The following DCDC2 variants were observed in gnomAD, a reference collection of about 807,000 sequenced individuals.
DCDC2 encodes the protein doublecortin domain containing 2.
Under a neutral mutation model 50.2 loss-of-function variants are expected in DCDC2, and 40 were observed. The observed-to-expected ratio is 0.80, with a 90% confidence interval of 0.62 to 1.04. The LOEUF is 1.04. Ranked by LOEUF, DCDC2 falls within the 50% of genes least tolerant of loss-of-function variation. DCDC2 has a pLI of 0.00. For missense variants in DCDC2, 570 were observed against 581.9 expected (o/e 0.98, Z 0.21); for synonymous variants, 234 against 210.6 (o/e 1.11, Z -0.96).
At chr6:24,270,704 A>G (rs1581622896) in intron 7 of DCDC2, among the ~76,000 whole-genome samples, 1 of 152,036 alleles carries the variant, frequency 6.6e-6, no homozygotes, top group South Asian at 2.1e-4. Context: ...TCCTCCCTCC[A>G]CCCTGTCACC....
intron 7 of DCDC2, among the ~76,000 whole-genome samples, chr6:24,273,252 G>A (rs939143949): frequency 1.3e-5 from 2 of 152,164 alleles, no homozygotes; most frequent in Admixed American, 6.5e-5. Context: ...AGAGAGGGTA[G>A]AATGACAGAC....
upstream of DCDC2, among the ~76,000 whole-genome samples, chr6:24,358,815 AAT>A (rs773876818): frequency 1.8e-3 from 90 of 51,016 alleles, 3 homozygotes; most frequent in African/African-American, 8.5e-3. Context: ...ATTATATATA[AAT>A]ATATATATTA....
At chr6:24,289,976 T>C (rs1407786340) in intron 5 of DCDC2, among the ~76,000 whole-genome samples, 2 of 40,966 alleles carry the variant, frequency 4.9e-5, no homozygotes, top group African/African-American at 3.5e-4. Flanking sequence ...CTCTTCTTTT[T>C]TTTTTTTTTT....
the DCDC2 span, among the ~76,000 whole-genome samples, chr6:24,373,612 T>C: frequency 5.3e-5 from 8 of 152,060 alleles, no homozygotes; most frequent in Non-Finnish European, 1.0e-4. Flanking sequence ...TGGTGACCCA[T>C]CGGGATGTAG....
intron 2 of DCDC2, among the ~76,000 whole-genome samples, chr6:24,341,946 G>GCACACA (rs1760161966): frequency 9.4e-5 from 1 of 10,590 alleles, no homozygotes; most frequent in Non-Finnish European, 1.9e-4. Flanking sequence ...GTGTGCACGC[G>GCACACA]TACACACACA....
intron 2 of DCDC2, among the ~76,000 whole-genome samples, chr6:24,304,643 T>C (rs1291044531): frequency 6.6e-6 from 1 of 152,202 alleles, no homozygotes. Flanking sequence ...TCAAAGATAG[T>C]CTGTACATAC....
intron 2 of DCDC2, among the ~76,000 whole-genome samples, chr6:24,333,113 T>A (rs149935131): frequency 6.6e-6 from 1 of 152,230 alleles, no homozygotes; most frequent in African/African-American, 2.4e-5. Flanking sequence ...AGGGAGAATG[T>A]TCCAAACTCA....
At chr6:24,319,195 G>A (rs1759728338) in intron 2 of DCDC2, among the ~76,000 whole-genome samples, 1 of 151,728 alleles carries the variant, frequency 6.6e-6, no homozygotes, top group Non-Finnish European at 1.5e-5. Context: ...ACGTTGAGCA[G>A]TTTTTCATAT....
At chr6:24,328,378 A>G (rs1759910534) in intron 2 of DCDC2, among the ~76,000 whole-genome samples, 1 of 152,264 alleles carries the variant, frequency 6.6e-6, no homozygotes, top group Admixed American at 6.5e-5. Flanking sequence ...TGGACATCTG[A>G]ATATGCAAGG....
In DCDC2 at chr6:24,189,328, G is replaced by A. The variant is rs554969491; in HGVS notation, c.1024-10696C>T. The stretch of plus-strand genomic sequence containing the variant: ...TTACTAAGGTTAACTCAGGATTCCT[G>A]AGTGGTAAGGGGAAAGAAGATGGAA... On this transcript the variant is annotated intron_variant, in intron 8 of 9. Coordinates refer to ENST00000378454, the MANE Select transcript of DCDC2 (RefSeq NM_016356.5). Among the ~76,000 whole-genome samples the A allele has an allele frequency of 7.9e-5, 12 of 152,296 alleles. No individual in the cohort carries two copies. The East Asian group carries it at 1.4e-3, about 17-fold the overall frequency.
chr6:24,287,782 C>T (rs902686175), intron 6 of DCDC2, among the ~76,000 whole-genome samples: 3 of 152,172 alleles, frequency 2.0e-5, no homozygotes, highest in African/African-American at 7.2e-5. Flanking sequence ...ACATTCAGTC[C>T]TTCCCTCCCT....
chr6:24,196,353 T>C (rs1761439479), intron 8 of DCDC2, among the ~76,000 whole-genome samples: 1 of 152,178 alleles, frequency 6.6e-6, no homozygotes, highest in African/African-American at 2.4e-5. Context: ...CCTCATGAGC[T>C]CACTTCCTTT....
In DCDC2 at chr6:24,222,465, T is replaced by A. The variant is rs1762141317; in HGVS notation, c.923-17363A>T. Among the ~76,000 whole-genome samples the A allele has an allele frequency of 2.6e-5, 4 of 152,244 alleles. 1 individual carries two copies. The South Asian group carries it at 8.3e-4, about 31-fold the overall frequency. ...TAGGGTTTAGCTGTTGGAATCCTTC[T>A]GTAAAAGGCATAATTGCCAAAATAA... On this transcript the variant is annotated intron_variant, in intron 7 of 9. Coordinates refer to ENST00000378454, the MANE Select transcript of DCDC2 (RefSeq NM_016356.5).
chr6:24,289,846 C>A (rs1370553129), intron 5 of DCDC2, among the ~76,000 whole-genome samples: 2 of 151,852 alleles, frequency 1.3e-5, no homozygotes, highest in African/African-American at 4.8e-5. Context: ...CTGCGGACGA[C>A]AACCAAAAAA....
chr6:24,376,064 G>A, the DCDC2 span, among the ~76,000 whole-genome samples: 4 of 152,162 alleles, frequency 2.6e-5, no homozygotes, highest in Non-Finnish European at 4.4e-5. Flanking sequence ...ACCAGATCCT[G>A]AAGTAAAAGG....
Position 24,210,876 on chromosome 6 carries a change from T to G in DCDC2, c.923-5774A>C, listed in dbSNP as rs1246381637. On this transcript the variant is annotated intron_variant, in intron 7 of 9. Transcript: ENST00000378454. Reference sequence around the variant, plus strand: ...ATTTCGTATCTTTTTCCTTGCACATTAAACTCAAGCTCCACTGACCTTCAT... The same window carrying G: ...ATTTCGTATCTTTTTCCTTGCACATGAAACTCAAGCTCCACTGACCTTCAT... Among the ~76,000 whole-genome samples, 3 of 152,078 alleles carry G rather than the reference T, an allele frequency of 2.0e-5. No individual in the cohort carries two copies. In the East Asian group the frequency reaches 5.8e-4, roughly 29 times the overall value.
chr6:24,249,124 A>G (rs974487090), intron 7 of DCDC2, among the ~76,000 whole-genome samples: 2 of 151,150 alleles, frequency 1.3e-5, no homozygotes, highest in African/African-American at 4.9e-5. Context: ...CGCTCATTCT[A>G]AAGTGACTCA....
intron 7 of DCDC2, among the ~76,000 whole-genome samples, chr6:24,227,683 T>C (rs1046951659): frequency 2.0e-5 from 3 of 152,216 alleles, no homozygotes; most frequent in African/African-American, 7.2e-5. Flanking sequence ...CCTGAACTGC[T>C]AACTGGCTGG....
the DCDC2 span, among the ~76,000 whole-genome samples, chr6:24,366,621 A>G: frequency 6.6e-6 from 1 of 152,250 alleles, no homozygotes; most frequent in East Asian, 1.9e-4. Context: ...ACATGCAGGA[A>G]GAAGGGATGC....
Sources: allele counts gnomAD v4.1 joint callset (sites outside exome capture counted in the v4.1 genomes callset), GRCh38; gene constraint gnomAD v4.1.1; transcripts MANE v1.5; gene names NCBI Gene and HGNC (gene_info 2026-07-23, HGNC 2026-07-21).